Variants in SCFD2 observed in about 807,000 individuals in gnomAD.
SCFD2 encodes the protein sec1 family domain containing 2.
SCFD2 carries 54 observed loss-of-function variants against 58.9 expected under a neutral mutation model. The ratio of observed to expected loss-of-function variants is 0.92; its 90% CI spans 0.74 to 1.15. The LOEUF is 1.15. Ranked by LOEUF, SCFD2 falls within the 50% of genes most tolerant of loss-of-function variation. The probability of loss-of-function intolerance (pLI) is 0.00; values close to 1 mark genes in which losing one functional copy is unlikely to be tolerated. For synonymous variants in SCFD2, 321 were observed against 335.9 expected (o/e 0.96, Z 0.49); for missense variants, 805 against 836.6 (o/e 0.96, Z 0.47).
At chr4:53,079,524 G>T (rs1404132843) in intron 5 of SCFD2, among the ~76,000 whole-genome samples, 2 of 152,232 alleles carry the variant, frequency 1.3e-5, no homozygotes, top group East Asian at 3.9e-4. Flanking sequence ...CATTCTCTTG[G>T]ATCCAAAAAT....
At chr4:52,882,745 G>A (rs944094142) in intron 8 of SCFD2, among the ~76,000 whole-genome samples, 3 of 152,150 alleles carry the variant, frequency 2.0e-5, no homozygotes, top group Non-Finnish European at 2.9e-5. Context: ...CTTGCAGACG[G>A]CCTATTGTGA....
intron 5 of SCFD2, among the ~76,000 whole-genome samples, chr4:53,032,630 A>G (rs1250254445): frequency 1.3e-5 from 2 of 152,086 alleles, no homozygotes; most frequent in Non-Finnish European, 2.9e-5. Flanking sequence ...AACAAAAACA[A>G]AAACAAACAA....
At chr4:52,982,433 C>G (rs1721397128) in intron 5 of SCFD2, among the ~76,000 whole-genome samples, 1 of 152,168 alleles carries the variant, frequency 6.6e-6, no homozygotes, top group Non-Finnish European at 1.5e-5. Flanking sequence ...GATGACTCTT[C>G]TACATAAGTA....
Position 53,365,040 on chromosome 4 carries a change from G to A in SCFD2, c.838+64C>T. On this transcript the variant is annotated intron_variant, in intron 1 of 8. Coordinates refer to ENST00000401642, the MANE Select transcript of SCFD2 (RefSeq NM_152540.4). This position sits in a 1 kb window ranked among gnomAD's most constrained non-coding sequence, Gnocchi z 4.3. ...ATAAAAGGTCAATAAAATATATGCT[G>A]AATCAATGAAAGTCCCAGCAATGTG... 1 of 1,535,258 alleles carries A rather than the reference G, an allele frequency of 6.5e-7. No homozygotes were observed. Among genetic ancestry groups the A allele is most frequent in the Non-Finnish European group, 8.8e-7 (1 of 1,140,568 alleles).
intron 8 of SCFD2, among the ~76,000 whole-genome samples, chr4:52,880,919 C>T (rs1424699758): frequency 1.3e-5 from 2 of 152,218 alleles, no homozygotes; most frequent in Non-Finnish European, 2.9e-5. Flanking sequence ...CAGTAGGCAT[C>T]AAGTGAGTGA....
intron 4 of SCFD2, among the ~76,000 whole-genome samples, chr4:53,237,993 C>T (rs1274989628): frequency 1.5e-5 from 2 of 130,274 alleles, no homozygotes; most frequent in Non-Finnish European, 3.4e-5. Flanking sequence ...GGCGGCTGGC[C>T]GGGCAGGGGG....
chr4:53,213,166 A>C (rs980595247), intron 4 of SCFD2, among the ~76,000 whole-genome samples: 2 of 152,152 alleles, frequency 1.3e-5, no homozygotes, highest in African/African-American at 4.8e-5. Context: ...GCAAAGTTTA[A>C]TGTCTAAAGA....
intron 5 of SCFD2, among the ~76,000 whole-genome samples, chr4:53,068,929 G>A (rs1235693755): frequency 6.6e-6 from 1 of 152,012 alleles, no homozygotes; most frequent in African/African-American, 2.4e-5. Flanking sequence ...AGTGATAAAT[G>A]GGTTTTGGCA....
At chr4:53,044,879 C>T (rs1438328109) in intron 5 of SCFD2, among the ~76,000 whole-genome samples, 2 of 120,658 alleles carry the variant, frequency 1.7e-5, no homozygotes, top group Non-Finnish European at 3.2e-5. Context: ...ACTTAACTCC[C>T]CACCCCAATT....
intron 5 of SCFD2, among the ~76,000 whole-genome samples, chr4:52,961,782 T>G (rs1201455292): frequency 6.6e-6 from 1 of 152,212 alleles, no homozygotes; most frequent in Non-Finnish European, 1.5e-5. Flanking sequence ...CAAGATGAGC[T>G]CTTAGGTTAC....
At chr4:52,883,599 A>C (rs1444666997) in intron 8 of SCFD2, among the ~76,000 whole-genome samples, 3 of 152,190 alleles carry the variant, frequency 2.0e-5, no homozygotes, top group African/African-American at 7.2e-5. Context: ...AAACGTCTGC[A>C]TTTTATCCTT....
intron 4 of SCFD2, among the ~76,000 whole-genome samples, chr4:53,237,753 G>C (rs375145591): frequency 1.1e-5 from 1 of 91,438 alleles, no homozygotes; most frequent in Non-Finnish European, 2.2e-5. Flanking sequence ...CGGACGGGGC[G>C]GCTGGCCGGG....
chr4:52,926,430 A>T (rs1302104631), intron 5 of SCFD2, among the ~76,000 whole-genome samples: 2 of 152,068 alleles, frequency 1.3e-5, no homozygotes, highest in Non-Finnish European at 2.9e-5. Flanking sequence ...ACACATATGC[A>T]TTTATGCAGG....
At chr4:53,224,290 A>G (rs572421685) in intron 4 of SCFD2, among the ~76,000 whole-genome samples, 1 of 151,776 alleles carries the variant, frequency 6.6e-6, no homozygotes, top group African/African-American at 2.4e-5. Flanking sequence ...TCAGGAGGCT[A>G]AGGTAGGAGG....
intron 5 of SCFD2, among the ~76,000 whole-genome samples, chr4:53,082,981 CTCTCTT>C (rs1238711611): frequency 2.0e-5 from 3 of 151,800 alleles, no homozygotes; most frequent in African/African-American, 4.8e-5. Flanking sequence ...GTCTCTCTTT[CTCTCTT>C]TCTCTCTTTC....
rs116946660 is a variant in SCFD2, at chr4:53,247,346, C to A, written c.1311+26480G>T. On this transcript the variant is annotated intron_variant, in intron 4 of 8. Transcript: ENST00000401642. Reference sequence around the variant, plus strand: ...CGCAGTATGGAGATTCCTCAAAGAGCTAAAAACTGAACTACCATTCGACCT... The same window carrying A: ...CGCAGTATGGAGATTCCTCAAAGAGATAAAAACTGAACTACCATTCGACCT... Among the ~76,000 whole-genome samples, 124 of 152,240 alleles carry A rather than the reference C, an allele frequency of 8.1e-4. No individual in the cohort carries two copies. In the East Asian group the frequency reaches 0.021, roughly 25 times the overall value.
intron 2 of SCFD2, among the ~76,000 whole-genome samples, chr4:53,348,274 A>G (rs1734113654): frequency 6.6e-6 from 1 of 152,246 alleles, no homozygotes; most frequent in Non-Finnish European, 1.5e-5. Flanking sequence ...TTTGACTATC[A>G]AAGCTTACTG....
At chr4:52,960,092 C>G (rs1720810252) in intron 5 of SCFD2, among the ~76,000 whole-genome samples, 1 of 152,180 alleles carries the variant, frequency 6.6e-6, no homozygotes, top group Non-Finnish European at 1.5e-5. Flanking sequence ...AAATGTCCCT[C>G]TCACCCTATT....
chr4:53,186,300 G>A (rs1727734492), intron 4 of SCFD2, among the ~76,000 whole-genome samples: 1 of 151,912 alleles, frequency 6.6e-6, no homozygotes, highest in African/African-American at 2.4e-5. Context: ...TATATTATGT[G>A]TATCTCTTAC....
Sources: allele counts gnomAD v4.1 joint callset (sites outside exome capture counted in the v4.1 genomes callset), GRCh38; gene constraint gnomAD v4.1.1; non-coding constraint Gnocchi (gnomAD v3.1); transcripts MANE v1.5; gene names NCBI Gene and HGNC (gene_info 2026-07-23, HGNC 2026-07-21).